The following CALN1 variants were observed in gnomAD, a reference collection of about 807,000 sequenced individuals.
CALN1 encodes calcium-binding protein 8.
In CALN1, 17 loss-of-function variants were observed where a neutral mutation model predicts 30.6. The observed-to-expected ratio is 0.56, with a 90% CI of 0.38 to 0.83. The LOEUF (loss-of-function observed/expected upper bound fraction) is 0.83, where lower values mean the gene tolerates loss of function less well. CALN1 is among the 40% of genes least tolerant of loss of function. The pLI is 0.00. For synonymous variants in CALN1, 156 were observed against 131.4 expected (o/e 1.19, Z -1.28); for missense variants, 291 against 354.9 (o/e 0.82, Z 1.45).
intron 3 of CALN1, among the ~76,000 whole-genome samples, chr7:72,232,319 T>C (rs1199658345): frequency 6.6e-6 from 1 of 152,158 alleles, no homozygotes; most frequent in Non-Finnish European, 1.5e-5. Flanking sequence ...AGACAACTAA[T>C]TGAACAACTG....
intron 2 of CALN1, among the ~76,000 whole-genome samples, chr7:72,375,941 TATC>T (rs958508413): frequency 9.8e-5 from 15 of 152,328 alleles, no homozygotes; most frequent in Non-Finnish European, 1.9e-4. Flanking sequence ...CCCAAACACT[TATC>T]TACATTTCAC....
At chr7:72,164,618 AG>A (rs1300134685) in intron 3 of CALN1, among the ~76,000 whole-genome samples, 1 of 152,202 alleles carries the variant, frequency 6.6e-6, no homozygotes, top group Non-Finnish European at 1.5e-5. Flanking sequence ...TAAGCCACTC[AG>A]TTCATAGTAC....
chr7:72,368,141 C>T (rs1803984803), intron 2 of CALN1, among the ~76,000 whole-genome samples: 1 of 150,772 alleles, frequency 6.6e-6, no homozygotes, highest in African/African-American at 2.5e-5. Context: ...ATATCTGTAT[C>T]TATATCTATG....
chr7:71,971,945 A>AG (rs1562946492), intron 5 of CALN1, among the ~76,000 whole-genome samples: 1,825 of 106,742 alleles, frequency 0.017, 72 homozygotes, highest in African/African-American at 0.072. Context: ...AAAAAAAAAA[A>AG]AAAAAAAAAA....
chr7:71,803,393 C>A (rs1004199060), intron 6 of CALN1, among the ~76,000 whole-genome samples: 1 of 152,122 alleles, frequency 6.6e-6, no homozygotes, highest in Non-Finnish European at 1.5e-5. Flanking sequence ...GTAGGGAATT[C>A]CTTTTGGTGC....
chr7:72,110,622 C>G (rs375972667), intron 3 of CALN1, among the ~76,000 whole-genome samples: 160 of 149,948 alleles, frequency 1.1e-3, no homozygotes, highest in African/African-American at 3.7e-3. Context: ...GTGTGTGTGT[C>G]TGTCTGTCTG....
intron 2 of CALN1, among the ~76,000 whole-genome samples, chr7:72,296,125 T>TG (rs1301923142): frequency 1.3e-5 from 2 of 152,004 alleles, no homozygotes; most frequent in African/African-American, 4.8e-5. Context: ...GATAATCATG[T>TG]GGTTTTTGTC....
intron 5 of CALN1, among the ~76,000 whole-genome samples, chr7:71,926,316 C>T (rs66473905): frequency 0.19 from 29,269 of 152,136 alleles, 2,978 homozygotes; most frequent in Non-Finnish European, 0.23. Context: ...CTGCATACTG[C>T]TTCACAGCCA....
intron 4 of CALN1, among the ~76,000 whole-genome samples, chr7:72,065,109 TTATGTTAATATATGTAAAA>T: frequency 6.8e-6 from 1 of 148,118 alleles, no homozygotes; most frequent in East Asian, 1.9e-4. Context: ...TAAAATATAT[TTATGTTAATATATGTAAAA>T]TATATTTATA....
chr7:72,499,859 T>C, the CALN1 span, among the ~76,000 whole-genome samples: 2,697 of 52,918 alleles, frequency 0.051, 339 homozygotes, highest in African/African-American at 0.065. Context: ...CTTTCTTTCT[T>C]TCTTTCTTTC....
chr7:72,245,659 TAAAG>T (rs1795113502), intron 3 of CALN1, among the ~76,000 whole-genome samples: 1 of 144,076 alleles, frequency 6.9e-6, no homozygotes, highest in Non-Finnish European at 1.5e-5. Flanking sequence ...AATAAATAAA[TAAAG>T]TTGAGTAAAA....
At position 72,135,409 on chromosome 7, in the gene CALN1, T is replaced by C. The variant is rs143040479; in HGVS notation, c.245-29115A>G. ...GAAAGTTTAAATTTTAACTCCTTGATGTATGGGCTGCAGAACGGATGCTGT... is the reference window on the plus strand; with the variant it reads ...GAAAGTTTAAATTTTAACTCCTTGACGTATGGGCTGCAGAACGGATGCTGT... On this transcript the variant is annotated intron_variant, in intron 3 of 6. Coordinates refer to ENST00000395275, the MANE Select transcript of CALN1 (RefSeq NM_031468.4). Among the ~76,000 whole-genome samples the C allele has an allele frequency of 5.9e-5, 9 of 152,298 alleles. No homozygotes were observed. The East Asian group carries it at 1.7e-3, about 29-fold the overall frequency.
intron 2 of CALN1, among the ~76,000 whole-genome samples, chr7:72,330,230 G>A (rs1381273776): frequency 6.6e-6 from 1 of 151,902 alleles, no homozygotes; most frequent in African/African-American, 2.4e-5. Flanking sequence ...GAGGTGGAGG[G>A]TGCAGGGAGT....
At chr7:72,115,057 A>C in intron 3 of CALN1, among the ~76,000 whole-genome samples, 1 of 149,288 alleles carries the variant, frequency 6.7e-6, no homozygotes, top group East Asian at 1.9e-4. Flanking sequence ...TGGACATTAC[A>C]TTATATATGG....
intron 4 of CALN1, among the ~76,000 whole-genome samples, chr7:72,105,771 G>T (rs936822092): frequency 2.7e-4 from 31 of 115,038 alleles, no homozygotes; most frequent in African/African-American, 1.0e-3. Flanking sequence ...GGAAGAAGAA[G>T]GAGGAGGAGG....
At chr7:72,061,520 TAA>T (rs1263025203) in intron 4 of CALN1, among the ~76,000 whole-genome samples, 1 of 143,674 alleles carries the variant, frequency 7.0e-6, no homozygotes. Context: ...ATTTCAGAAC[TAA>T]AAAAAAAAAA....
At chr7:72,428,741 G>A (rs1371331068) in intron 1 of CALN1, among the ~76,000 whole-genome samples, 2 of 152,182 alleles carry the variant, frequency 1.3e-5, no homozygotes, top group African/African-American at 4.8e-5. Context: ...GCTCATGCCT[G>A]TAATACCAGC....
At chr7:72,143,327 T>C (rs1810095178) in intron 3 of CALN1, among the ~76,000 whole-genome samples, 1 of 152,068 alleles carries the variant, frequency 6.6e-6, no homozygotes, top group African/African-American at 2.4e-5. Flanking sequence ...ACGTGAAGAA[T>C]GCACAAGCTT....
At chr7:72,496,663 A>T in the CALN1 span, among the ~76,000 whole-genome samples, 1 of 152,076 alleles carries the variant, frequency 6.6e-6, no homozygotes, top group Non-Finnish European at 1.5e-5. Context: ...CCGAAATGAG[A>T]GGATTGTTTA....
Sources: gnomAD v4.1 joint callset for allele counts (sites outside exome capture counted in the v4.1 genomes callset) on GRCh38, gnomAD v4.1.1 for gene constraint, MANE v1.5 for transcripts, NCBI Gene and HGNC (gene_info 2026-07-23, HGNC 2026-07-21) for gene names.